Variants in WASHC2C observed in about 807,000 individuals in gnomAD.
WASHC2C encodes Vaccinia Penetration Factor.
In WASHC2C, 73 loss-of-function variants were observed where a neutral mutation model predicts 142.2. The ratio of observed to expected loss-of-function variants is 0.51; its 90% confidence interval spans 0.43 to 0.62. The LOEUF is 0.62. WASHC2C is among the 20% of genes least tolerant of loss of function. The pLI is 0.00. For missense variants in WASHC2C, 969 were observed against 1,531.7 expected (o/e 0.63, Z 6.13); for synonymous variants, 337 against 565.5 (o/e 0.60, Z 5.73).
intron 11 of WASHC2C, among the ~76,000 whole-genome samples, 155 bp from the exon 12 acceptor site, chr10:45,752,433 T>G (rs1236806692): frequency 3.9e-4 from 59 of 152,028 alleles, no homozygotes; most frequent in South Asian, 1.0e-3. Context: ...GTGCCAGGGG[T>G]TTAGTGTGAA....
At chr10:45,790,259 C>T (rs2058322346) in intron 29 of WASHC2C, 97 bp from the exon 30 acceptor site, 1 of 1,592,060 alleles carries the variant, frequency 6.3e-7, no homozygotes, top group Admixed American at 1.7e-5. Flanking sequence ...GTTCCACACA[C>T]CCTGGCCAAT....
In WASHC2C at chr10:45,787,045, C is replaced by T. The variant is rs374655951; in HGVS notation, c.2885C>T (p.Ala962Val). Residue 962 changes from alanine (A) to valine (V), a missense_variant, in exon 28 of 31, where the codon GCG (alanine) becomes GTG (valine). Physicochemically the swap from Ala to Val is moderately conservative, Grantham distance 64 (BLOSUM62 0). Transcript: ENST00000623400. The stretch of plus-strand genomic sequence containing the variant: ...ATTTTTCTTCTTTAGGCAAATTTAG[C>T]GATCAACCCAGCGGCCTTGCTGCCC... ...TRIGKIQANLAINPAALLPTA... is the reference protein window; with the variant it reads ...TRIGKIQANLVINPAALLPTA... The T allele has an allele frequency of 3.5e-4, 564 of 1,608,204 alleles. 3 individuals are homozygous for T. The African/African-American group carries it at 3.8e-3, about 11-fold the overall frequency.
At chr10:45,754,915 G>A in intron 14 of WASHC2C, 21 bp from the exon 15 acceptor site, 4 of 1,611,918 alleles carry the variant, frequency 2.5e-6, no homozygotes, top group Non-Finnish European at 3.4e-6. Flanking sequence ...AGCTGTGGCT[G>A]TCTTGTCCCT....
At chr10:45,758,212 C>T (rs1554878293) in intron 16 of WASHC2C, among the ~76,000 whole-genome samples, 1 of 152,182 alleles carries the variant, frequency 6.6e-6, no homozygotes, top group African/African-American at 2.4e-5. Context: ...GGATCACCTC[C>T]CAAGACACAT....
intron 8 of WASHC2C, among the ~76,000 whole-genome samples, chr10:45,749,841 ATATATATATATATATT>A (rs1433157817): frequency 1.5e-5 from 2 of 129,576 alleles, no homozygotes; most frequent in South Asian, 2.5e-4. Flanking sequence ...AAAAAAATAT[ATATATATATATATATT>A]TATATATATA....
intron 30 of WASHC2C, 76 bp from the exon 31 acceptor site, chr10:45,792,185 G>C: frequency 6.7e-7 from 1 of 1,503,676 alleles, no homozygotes; most frequent in Non-Finnish European, 9.1e-7. Flanking sequence ...GGTCTTTGGT[G>C]GTTTGCTTGC....
Position 45,792,350 on chromosome 10 carries a change from A to G in WASHC2C, c.3976A>G (p.Lys1326Glu). The G allele has an allele frequency of 6.4e-7, 1 of 1,565,312 alleles. No individual in the cohort carries two copies. The highest frequency in any genetic ancestry group is 8.7e-7 in the Non-Finnish European group (1 of 1,146,706). Residue 1326 changes from lysine to glutamate, a missense_variant, in exon 31 of 31, where the codon AAG becomes GAG. Coordinates refer to ENST00000623400, the MANE Select transcript of WASHC2C (RefSeq NM_001330074.2). ...QAAPEPRFEH[K>E]VSNIFDDPLN... ...CGCACCTGAACCAAGATTTGAACAC[A>G]AGGTGTCCAACATCTTTGATGATCC...
At chr10:45,743,346 T>G (rs1554869287) in intron 5 of WASHC2C, 44 bp from the exon 6 acceptor site, 1 of 1,611,840 alleles carries the variant, frequency 6.2e-7, no homozygotes, top group South Asian at 1.1e-5. Context: ...TAAGTTTGTT[T>G]TCAACTGAAA....
rs1249528418 is a variant in WASHC2C at position 45,787,383 on chromosome 10, C to T, written c.3087+136C>T. ...GGAGGTGCCTCATCCTTCCTTCAGC[C>T]GCTCCCCCCTCCATTCTCCCCACCC... On this transcript the variant is annotated intron_variant, in intron 28 of 30. Transcript: ENST00000623400. 57 of 1,524,944 alleles carry T rather than the reference C, an allele frequency of 3.7e-5. 2 individuals carry two copies. In the Admixed American group the frequency reaches 7.5e-4, roughly 20 times the overall value. 94.5% of individuals were successfully genotyped at this position (1,524,944 alleles called of 1,614,324 possible). A position where few individuals can be genotyped will look rare whatever the true frequency, so the allele number is the denominator to read the frequency against.
In WASHC2C at chr10:45,752,672, G is replaced by C. The variant is rs782117889; in HGVS notation, c.1088G>C (p.Gly363Ala). The change falls in exon 12 of 31, where the codon GGC becomes GCC. Residue 363 changes from glycine (G) to alanine (A), a missense_variant. Gly to Ala is a moderately conservative substitution (Grantham distance 60). Transcript: ENST00000623400. Reference protein sequence around the residue: ...PFGSGGGLFSGGKGLFDDEDE... With the variant: ...PFGSGGGLFSAGKGLFDDEDE... Reference sequence around the variant, plus strand: ...GGCTCTGGAGGTGGCCTGTTCAGTGGCGGCAAGGGGCTATTTGATGATGAG... The same window carrying C: ...GGCTCTGGAGGTGGCCTGTTCAGTGCCGGCAAGGGGCTATTTGATGATGAG... 1.9e-6 allele frequency: 3 copies of C among 1,609,478 alleles called. No individual in the cohort carries two copies. Among genetic ancestry groups the C allele is most frequent in the Non-Finnish European group, 2.5e-6 (3 of 1,178,772 alleles).
At chr10:45,775,224 C>T (rs1329542080) in intron 21 of WASHC2C, among the ~76,000 whole-genome samples, 13 of 149,426 alleles carry the variant, frequency 8.7e-5, no homozygotes, top group African/African-American at 7.5e-5. Context: ...CGGTGGCTCA[C>T]GCCTGTAATC....
At chr10:45,787,692 C>T (rs551087774) in intron 28 of WASHC2C, among the ~76,000 whole-genome samples, 1 of 151,908 alleles carries the variant, frequency 6.6e-6, no homozygotes, top group East Asian at 1.9e-4. Flanking sequence ...TCACACTTTC[C>T]AGCCTGACTC....
At chr10:45,727,786 G>T (rs2050060128) in intron 2 of WASHC2C, among the ~76,000 whole-genome samples, 1 of 152,102 alleles carries the variant, frequency 6.6e-6, no homozygotes, top group Non-Finnish European at 1.5e-5. Context: ...GCTCCATCCG[G>T]AGGGGAGATC....
At chr10:45,739,416 G>T (rs1308609623) in intron 4 of WASHC2C, among the ~76,000 whole-genome samples, 47 of 148,620 alleles carry the variant, frequency 3.2e-4, no homozygotes, top group African/African-American at 1.2e-3. Context: ...ACTTGTGTCT[G>T]TGGGGACTGC....
In WASHC2C at chr10:45,790,536, A is replaced by G; in HGVS notation, c.3886+3A>G. On this transcript the variant is annotated splice_donor_region_variant and intron_variant, in intron 30 of 30. Coordinates refer to ENST00000623400, the MANE Select transcript of WASHC2C (RefSeq NM_001330074.2). ...GTCTATATTTGATGATGATATGGGTAAGTTTGGTTTTCTACATCTGACCTA... is the reference window on the plus strand; with the variant it reads ...GTCTATATTTGATGATGATATGGGTGAGTTTGGTTTTCTACATCTGACCTA... 2.5e-6 allele frequency: 4 copies of G among 1,611,922 alleles called. No individual in the cohort carries two copies. Among genetic ancestry groups the G allele is most frequent in the Non-Finnish European group, 2.5e-6 (3 of 1,179,832 alleles).
At position 45,752,642 on chromosome 10, in the gene WASHC2C, C is replaced by G; in HGVS notation, c.1058C>G (p.Pro353Arg). ...PPKLTDEDFS[P>R]FGSGGGLFSG... ...AAGCTGACCGACGAGGACTTCTCGC[C>G]ATTTGGCTCTGGAGGTGGCCTGTTC... Residue 353 changes from proline (P) to arginine (R), a missense_variant, in exon 12 of 31, where the codon CCA becomes CGA. Pro to Arg is a moderately radical substitution (Grantham distance 103, BLOSUM62 -2). Transcript: ENST00000623400. 1 of 1,609,930 alleles carries G rather than the reference C, an allele frequency of 6.2e-7. No homozygotes were observed. The highest frequency in any genetic ancestry group is 8.5e-7 in the Non-Finnish European group (1 of 1,178,922).
At chr10:45,761,618 C>T (rs1385053050) in intron 17 of WASHC2C, among the ~76,000 whole-genome samples, 5 of 152,156 alleles carry the variant, frequency 3.3e-5, no homozygotes, top group African/African-American at 4.8e-5. Context: ...CAAAGGAATG[C>T]GTCCTGACTC....
intron 11 of WASHC2C, among the ~76,000 whole-genome samples, chr10:45,752,116 T>C (rs1353058872): frequency 6.6e-6 from 1 of 152,212 alleles, no homozygotes; most frequent in East Asian, 1.9e-4. Context: ...CTTAGAAGTA[T>C]AGAAACTTAG....
Position 45,787,263 on chromosome 10 carries a change from T to C in WASHC2C, c.3087+16T>C. 8.3e-7 allele frequency: 1 copy of C among 1,211,956 alleles called. No homozygotes were observed. Among genetic ancestry groups the C allele is most frequent in the East Asian group, 2.5e-5 (1 of 39,308 alleles). The allele number at this position is 1,211,956 out of a possible 1,614,324, so 75.1% of individuals were successfully genotyped here. On this transcript the variant is annotated intron_variant, in intron 28 of 30. Coordinates refer to ENST00000623400, the MANE Select transcript of WASHC2C (RefSeq NM_001330074.2). Reference sequence around the variant, plus strand: ...TGCAAACAAGGTGATGAAACCATCTTTGCTTCCTTGCTCTCTTCTTTTAAC... The same window carrying C: ...TGCAAACAAGGTGATGAAACCATCTCTGCTTCCTTGCTCTCTTCTTTTAAC...
Sources: allele counts gnomAD v4.1 joint callset (sites outside exome capture counted in the v4.1 genomes callset), GRCh38; gene constraint gnomAD v4.1.1; transcripts MANE v1.5; gene names NCBI Gene and HGNC (gene_info 2026-07-23, HGNC 2026-07-21).